Variants in TENM4 observed in about 807,000 individuals in gnomAD.
TENM4 encodes the protein teneurin-4.
Under a neutral mutation model 243.3 loss-of-function variants are expected in TENM4, and 82 were observed. The ratio of observed to expected loss-of-function variants is 0.34; its 90% CI spans 0.28 to 0.40. The LOEUF (loss-of-function observed/expected upper bound fraction) is 0.40, where lower values mean the gene tolerates loss of function less well. Among genes scored for constraint, TENM4 ranks in the 10% least tolerant of loss-of-function variants. TENM4 has a pLI of 1.00. For synonymous variants in TENM4, 1,412 were observed against 1,456.3 expected, an observed-to-expected ratio of 0.97 and a Z score of 0.69; for missense variants, 3,138 against 3,673.3, an observed-to-expected ratio of 0.85 and a Z score of 3.77.
rs199861633 is a variant in TENM4, at chr11:78,805,350, G to A, written c.2121C>T (p.Leu707=). The change falls in exon 15 of 34, where the codon CTC becomes CTT. Residue 707 remains leucine, a synonymous_variant. Coordinates refer to ENST00000278550, the MANE Select transcript of TENM4 (RefSeq NM_001098816.3). ...CACAGCTGCAAAGCCCGGTGTCCGG[G>A]AGGAAGGTTCCGTGGCCTGAACACT... ...LDQCSGHGTF[L]PDTGLCSCDP... is the part of the protein sequence containing the mutation. The A allele has an allele frequency of 1.2e-5, 14 of 1,202,530 alleles. No individual in the cohort carries two copies. The African/African-American group carries it at 4.5e-4, about 39-fold the overall frequency. The allele number at this position is 1,202,530 out of a possible 1,614,324, so 74.5% of individuals were successfully genotyped here.
At chr11:79,070,960 G>A (rs752124180) in intron 4 of TENM4, among the ~76,000 whole-genome samples, 5 of 152,146 alleles carry the variant, frequency 3.3e-5, no homozygotes, top group Admixed American at 6.5e-5. Flanking sequence ...CAGTGCCACC[G>A]TCAGCACTGG....
chr11:78,772,139 T>C (rs1228530686), intron 17 of TENM4, among the ~76,000 whole-genome samples: 1 of 152,218 alleles, frequency 6.6e-6, no homozygotes, highest in African/African-American at 2.4e-5. Context: ...ATTTAGATGC[T>C]GTGTTCGTTC....
At chr11:79,021,207 G>C (rs2136804151) in intron 6 of TENM4, among the ~76,000 whole-genome samples, 1 of 152,300 alleles carries the variant, frequency 6.6e-6, no homozygotes, top group African/African-American at 2.4e-5. Flanking sequence ...GGGTTTCTAA[G>C]TCTCTTCTCA....
At chr11:79,030,826 A>T (rs1364572758) in intron 6 of TENM4, among the ~76,000 whole-genome samples, 2 of 152,036 alleles carry the variant, frequency 1.3e-5, no homozygotes, top group East Asian at 3.9e-4. Flanking sequence ...TCTGACCAAG[A>T]TCCAGCGCCC....
Position 79,438,637 on chromosome 11 carries a change from CAAG to C in TENM4, c.-321+1869_-321+1871del, listed in dbSNP as rs959789125. Among the ~76,000 whole-genome samples the C allele has an allele frequency of 2.6e-5, 4 of 152,174 alleles. No homozygotes were observed. Among genetic ancestry groups the C allele is most frequent in the Non-Finnish European group, 5.9e-5 (4 of 68,028 alleles). On this transcript the variant is annotated intron_variant, in intron 1 of 33. Coordinates refer to ENST00000278550, the MANE Select transcript of TENM4 (RefSeq NM_001098816.3). The surrounding 1 kb of genome is among the most constrained non-coding windows in gnomAD (Gnocchi z 4.1). Reference sequence around the variant, plus strand: ...CGTGAAGGGCACAGGGCTTGAAAGACAAGGAGGGGCGCCCAGGAAGGGCGGAAA... The same window carrying C: ...CGTGAAGGGCACAGGGCTTGAAAGACGAGGGGCGCCCAGGAAGGGCGGAAA...
At chr11:78,986,735 G>A (rs374813011) in intron 6 of TENM4, among the ~76,000 whole-genome samples, 5 of 152,246 alleles carry the variant, frequency 3.3e-5, no homozygotes, top group African/African-American at 1.2e-4. Context: ...CATGATGCCT[G>A]ACTAATTTTT....
intron 6 of TENM4, among the ~76,000 whole-genome samples, chr11:79,004,030 C>A (rs1415710396): frequency 1.4e-5 from 2 of 146,792 alleles, no homozygotes; most frequent in African/African-American, 5.0e-5. Flanking sequence ...CAACAAAGAT[C>A]AAAAAAGACA....
At chr11:79,196,812 T>C (rs1863637444) in intron 3 of TENM4, among the ~76,000 whole-genome samples, 1 of 152,150 alleles carries the variant, frequency 6.6e-6, no homozygotes, top group Non-Finnish European at 1.5e-5. Flanking sequence ...GAGACTTGTC[T>C]CTCAGCTGTG....
chr11:79,162,033 C>G (rs547339756), intron 3 of TENM4, among the ~76,000 whole-genome samples: 137 of 152,298 alleles, frequency 9.0e-4, no homozygotes, highest in African/African-American at 3.2e-3. Flanking sequence ...TCACCCAGTA[C>G]CCCCTGTATG....
intron 2 of TENM4, among the ~76,000 whole-genome samples, chr11:79,240,672 G>A (rs1333925000): frequency 6.6e-6 from 1 of 152,180 alleles, no homozygotes; most frequent in African/African-American, 2.4e-5. Flanking sequence ...TGTCTGCTAT[G>A]CAAGCATGGG....
intron 3 of TENM4, among the ~76,000 whole-genome samples, chr11:79,165,008 T>C (rs1162285497): frequency 6.6e-6 from 1 of 151,648 alleles, no homozygotes; most frequent in Non-Finnish European, 1.5e-5. Context: ...TACATATATA[T>C]ACATGCACCA....
At chr11:78,677,249 C>CTTT (rs67423363) in intron 29 of TENM4, among the ~76,000 whole-genome samples, 11 of 137,106 alleles carry the variant, frequency 8.0e-5, no homozygotes, top group South Asian at 2.3e-4. Context: ...AAGGGTTGAA[C>CTTT]TTTTTTTTTT....
At chr11:79,086,289 G>A (rs1272938302) in intron 4 of TENM4, among the ~76,000 whole-genome samples, 1 of 152,220 alleles carries the variant, frequency 6.6e-6, no homozygotes, top group East Asian at 1.9e-4. Flanking sequence ...TGGAGCCACA[G>A]GGCTGAGCCA....
Position 78,897,521 on chromosome 11 carries a change from C to T in TENM4, c.749+5747G>A, listed in dbSNP as rs899436599. On this transcript the variant is annotated intron_variant, in intron 7 of 33. Coordinates refer to ENST00000278550, the MANE Select transcript of TENM4 (RefSeq NM_001098816.3). ...GAACTTAGAACAGCACCTGGCCGTT[C>T]CCAGTAAGGGCTCTCTCTACTGCTG... Among the ~76,000 whole-genome samples the T allele has an allele frequency of 2.6e-5, 4 of 152,264 alleles. 1 individual carries two copies. The South Asian group carries it at 8.3e-4, about 32-fold the overall frequency.
chr11:78,897,003 A>C (rs557447413), intron 7 of TENM4, among the ~76,000 whole-genome samples: 28 of 152,110 alleles, frequency 1.8e-4, no homozygotes, highest in Non-Finnish European at 4.0e-4. Flanking sequence ...GTTTCAGGAG[A>C]GTTGCCACCA....
chr11:79,036,110 C>T (rs1480578410), intron 6 of TENM4, among the ~76,000 whole-genome samples: 1 of 152,160 alleles, frequency 6.6e-6, no homozygotes, highest in East Asian at 1.9e-4. Flanking sequence ...GTATGAGGTG[C>T]TTGGAGAACT....
intron 6 of TENM4, among the ~76,000 whole-genome samples, chr11:79,011,166 T>C (rs1240458656): frequency 6.6e-6 from 1 of 152,224 alleles, no homozygotes; most frequent in African/African-American, 2.4e-5. Flanking sequence ...CTTCCGTGAA[T>C]CCAGAACAGA....
At chr11:79,109,118 C>T (rs1280205880) in intron 4 of TENM4, among the ~76,000 whole-genome samples, 5 of 152,200 alleles carry the variant, frequency 3.3e-5, no homozygotes, top group African/African-American at 4.8e-5. Context: ...TTAACATTTA[C>T]GGCCGTGAGC....
intron 6 of TENM4, among the ~76,000 whole-genome samples, chr11:78,926,681 T>TG (rs1470065923): frequency 1.4e-5 from 2 of 141,818 alleles, no homozygotes; most frequent in African/African-American, 5.1e-5. Flanking sequence ...TTTTTTGTTT[T>TG]TTTTTTTTTC....
Sources: gnomAD v4.1 joint callset for allele counts (sites outside exome capture counted in the v4.1 genomes callset) on GRCh38, gnomAD v4.1.1 for gene constraint, Gnocchi (gnomAD v3.1) non-coding constraint, MANE v1.5 for transcripts, NCBI Gene and HGNC (gene_info 2026-07-23, HGNC 2026-07-21) for gene names.